OR4F6: variants seen among roughly 807,000 people sequenced by gnomAD.
OR4F6 encodes olfactory receptor family 4 subfamily F member 6.
A neutral mutation model predicts 15.9 loss-of-function variants in OR4F6; 13 were observed. The ratio of observed to expected loss-of-function variants is 0.82; its 90% confidence interval spans 0.53 to 1.30. The LOEUF (loss-of-function observed/expected upper bound fraction) is 1.30, where lower values mean the gene tolerates loss of function less well. Ranked by LOEUF, OR4F6 falls within the 50% of genes most tolerant of loss-of-function variation. The pLI is 0.00. For missense variants in OR4F6, 426 were observed against 367.2 expected, an observed-to-expected ratio of 1.16 and a Z score of -1.31; for synonymous variants, 150 against 133.8, an observed-to-expected ratio of 1.12 and a Z score of -0.83.
intron 1 of OR4F6, among the ~76,000 whole-genome samples, chr15:101,803,992 A>G (rs1252631203): frequency 1.3e-5 from 2 of 152,254 alleles, no homozygotes; most frequent in East Asian, 3.8e-4. Flanking sequence ...ACCAAAAGTC[A>G]AACATATTCT....
chr15:101,805,178 T>C (rs1456116898), intron 1 of OR4F6, among the ~76,000 whole-genome samples: 1 of 152,204 alleles, frequency 6.6e-6, no homozygotes, highest in East Asian at 1.9e-4. Flanking sequence ...TTCAATAGTG[T>C]TCTTTGTTAG....
In OR4F6 at chr15:101,806,342, T is replaced by C; in HGVS notation, c.623T>C (p.Leu208Pro). ...ACTGCCAATAGTGGATTTATTTCTC[T>C]GGCTTCTTTTTTAATTCTCATAATC... ...MVTANSGFIS[L>P]ASFLILIISY... Residue 208 changes from leucine (L) to proline (P), a missense_variant, in exon 2 of 2, where the codon CTG becomes CCG. Coordinates refer to ENST00000328882, the MANE Select transcript of OR4F6 (RefSeq NM_001005326.2). 1 of 1,614,124 alleles carries C rather than the reference T, an allele frequency of 6.2e-7. No individual in the cohort carries two copies. The highest frequency in any genetic ancestry group is 8.5e-7 in the Non-Finnish European group (1 of 1,179,952).
Position 101,805,993 on chromosome 15 carries a change from A to G in OR4F6, c.274A>G (p.Ile92Val), listed in dbSNP as rs370594445. 18 of 1,614,004 alleles carry G rather than the reference A, an allele frequency of 1.1e-5. No individual in the cohort carries two copies. The highest frequency in any genetic ancestry group is 1.4e-5 in the Non-Finnish European group (17 of 1,180,022). Reference sequence around the variant, plus strand: ...TGACCTTTTCAGGAAGCACAAGACCATCTCTTTTGGGGGCTGTGTAGTTCA... The same window carrying G: ...TGACCTTTTCAGGAAGCACAAGACCGTCTCTTTTGGGGGCTGTGTAGTTCA... ...IYDLFRKHKT[I>V]SFGGCVVQIF... The change falls in exon 2 of 2, where the codon ATC (isoleucine) becomes GTC (valine). Residue 92 changes from isoleucine (I) to valine (V), a missense_variant. By Grantham distance (29) the Ile-to-Val change is conservative. Transcript: ENST00000328882.
At position 101,805,932 on chromosome 15, in the gene OR4F6, G is replaced by T. The variant is rs772381181; in HGVS notation, c.213G>T (p.Leu71Phe). 1.2e-6 allele frequency: 2 copies of T among 1,614,008 alleles called. No homozygotes were observed. The highest frequency in any genetic ancestry group is 1.7e-5 in the Admixed American group (1 of 60,006). The change falls in exon 2 of 2, where the codon TTG (leucine) becomes TTT (phenylalanine). Residue 71 changes from leucine (L) to phenylalanine (F), a missense_variant. Coordinates refer to ENST00000328882, the MANE Select transcript of OR4F6 (RefSeq NM_001005326.2). ...FLLANLSIINLVFCSSTAPKM... is the reference protein window; with the variant it reads ...FLLANLSIINFVFCSSTAPKM... Reference sequence around the variant, plus strand: ...TGGCCAACCTTTCCATCATCAATTTGGTATTTTGTTCCTCCACAGCTCCCA... The same window carrying T: ...TGGCCAACCTTTCCATCATCAATTTTGTATTTTGTTCCTCCACAGCTCCCA...
At position 101,806,405 on chromosome 15, in the gene OR4F6, C is replaced by G. The variant is rs768131037; in HGVS notation, c.686C>G (p.Ser229Cys). ...ATTTTGGTGACTGTTCAGAAAAAAT[C>G]TTCAGGTGGTATATTCAAGGCTTTC... ...IFILVTVQKK[S>C]SGGIFKAFSM... Residue 229 changes from serine to cysteine, a missense_variant, in exon 2 of 2, where the codon TCT (serine) becomes TGT (cysteine). Physicochemically the swap from Ser to Cys is moderately radical, Grantham distance 112 (BLOSUM62 -1). Coordinates refer to ENST00000328882, the MANE Select transcript of OR4F6 (RefSeq NM_001005326.2). 7 of 1,613,512 alleles carry G rather than the reference C, an allele frequency of 4.3e-6. No individual in the cohort carries two copies. The African/African-American group carries it at 9.4e-5, about 22-fold the overall frequency.
chr15:101,805,742 T>C lies in OR4F6; in HGVS notation c.23T>C (p.Val8Ala). 1 of 1,613,508 alleles carries C rather than the reference T, an allele frequency of 6.2e-7. No individual in the cohort carries two copies. The highest frequency in any genetic ancestry group is 1.3e-5 in the African/African-American group (1 of 75,020). Reference sequence around the variant, plus strand: ...GCAATGGATGAAGCCAATCACTCTGTGGTCTCTGAGTTTGTGTTCCTGGGA... The same window carrying C: ...GCAATGGATGAAGCCAATCACTCTGCGGTCTCTGAGTTTGTGTTCCTGGGA... MDEANHS[V>A]VSEFVFLGLS... The change falls in exon 2 of 2, where the codon GTG (valine) becomes GCG (alanine). Residue 8 changes from valine to alanine, a missense_variant. Transcript: ENST00000328882.
chr15:101,806,784 T>A lies in OR4F6; in HGVS notation c.*126T>A, dbSNP rs1383950896. Reference sequence around the variant, plus strand: ...AGTATGTATTGTGTTGTCTTTTTTTTCTTCCCAAATTGAATTGTGGTATCA... The same window carrying A: ...AGTATGTATTGTGTTGTCTTTTTTTACTTCCCAAATTGAATTGTGGTATCA... On this transcript the variant is annotated 3_prime_UTR_variant, in exon 2 of 2. Coordinates refer to ENST00000328882, the MANE Select transcript of OR4F6 (RefSeq NM_001005326.2). The A allele has an allele frequency of 1.8e-6, 1 of 550,980 alleles. No homozygotes were observed. Among genetic ancestry groups the A allele is most frequent in the Non-Finnish European group, 3.1e-6 (1 of 326,554 alleles). 34.1% of individuals were successfully genotyped at this position (550,980 alleles called of 1,614,324 possible). A position where few individuals can be genotyped will look rare whatever the true frequency, so the allele number is the denominator to read the frequency against.
rs993044214 is a variant in OR4F6 at position 101,803,547 on chromosome 15, T to C, written c.-34+2T>C. ...TCCTCTATTTCAACACTGGTCCAGG[T>C]AGGTTAAATGGAAAGAAACTGTCTT... On this transcript the variant is annotated splice_donor_variant, in intron 1 of 1. Coordinates refer to ENST00000328882, the MANE Select transcript of OR4F6 (RefSeq NM_001005326.2). LOFTEE classifies it low-confidence loss of function (5UTR_SPLICE). The C allele has an allele frequency of 1.3e-5, 2 of 152,158 alleles. No homozygotes were observed. The highest frequency in any genetic ancestry group is 1.5e-5 in the Non-Finnish European group (1 of 68,036). 9.4% of individuals were successfully genotyped at this position (152,158 alleles called of 1,614,324 possible).
At chr15:101,803,782 C>T (rs544719091) in intron 1 of OR4F6, among the ~76,000 whole-genome samples, 1 of 152,264 alleles carries the variant, frequency 6.6e-6, no homozygotes, top group South Asian at 2.1e-4. Flanking sequence ...TTTGCACAGA[C>T]GTGTTGCGTG....
At position 101,805,780 on chromosome 15, in the gene OR4F6, C is replaced by A. The variant is rs769055061; in HGVS notation, c.61C>A (p.Arg21=). Residue 21 remains arginine, a synonymous_variant, in exon 2 of 2, where the codon CGG becomes AGG. Transcript: ENST00000328882. ...EFVFLGLSDS[R]KIQLLLFLFF... ...TGTGTTCCTGGGACTCTCTGACTCG[C>A]GGAAGATCCAGCTCCTCCTCTTCCT... 2 of 1,614,084 alleles carry A rather than the reference C, an allele frequency of 1.2e-6. No individual in the cohort carries two copies. Among genetic ancestry groups the A allele is most frequent in the Middle Eastern group, 1.7e-4 (1 of 6,060 alleles).
In OR4F6 at chr15:101,806,693, T is replaced by C. The variant is rs747109452; in HGVS notation, c.*35T>C. The C allele has an allele frequency of 8.1e-7, 1 of 1,231,218 alleles. No individual in the cohort carries two copies. Among genetic ancestry groups the C allele is most frequent in the Admixed American group, 2.7e-5 (1 of 36,992 alleles). The allele number at this position is 1,231,218 out of a possible 1,614,324, so 76.3% of individuals were successfully genotyped here. A position where few individuals can be genotyped will look rare whatever the true frequency, so the allele number is the denominator to read the frequency against. On this transcript the variant is annotated 3_prime_UTR_variant, in exon 2 of 2. Transcript: ENST00000328882. ...GAATATACAAAAAGGCAAATTATAC[T>C]AGAATTTCAGACAGATATGTGTTAA...
chr15:101,806,481 A>G lies in OR4F6; in HGVS notation c.762A>G (p.Leu254=). 1 of 1,613,788 alleles carries G rather than the reference A, an allele frequency of 6.2e-7. No homozygotes were observed. The highest frequency in any genetic ancestry group is 1.1e-5 in the South Asian group (1 of 90,932). ...VIVVVLVFGP[L]IFFYIFPFPT... is the part of the protein sequence containing the mutation. ...TGGTGGTTTTGGTCTTTGGGCCATTAATCTTTTTCTATATTTTTCCATTTC... is the reference window on the plus strand; with the variant it reads ...TGGTGGTTTTGGTCTTTGGGCCATTGATCTTTTTCTATATTTTTCCATTTC... Residue 254 remains leucine (L), a synonymous_variant, in exon 2 of 2, where the codon TTA becomes TTG. Transcript: ENST00000328882.
intron 1 of OR4F6, among the ~76,000 whole-genome samples, chr15:101,804,539 A>T (rs1902765947): frequency 6.6e-6 from 1 of 152,238 alleles, no homozygotes; most frequent in African/African-American, 2.4e-5. Flanking sequence ...CTGCAAAGGC[A>T]CACTGGGATT....
At position 101,806,254 on chromosome 15, in the gene OR4F6, T is replaced by G. The variant is rs748747166; in HGVS notation, c.535T>G (p.Cys179Gly). 1 of 1,613,968 alleles carries G rather than the reference T, an allele frequency of 6.2e-7. No homozygotes were observed. Among genetic ancestry groups the G allele is most frequent in the Non-Finnish European group, 8.5e-7 (1 of 1,179,980 alleles). Reference sequence around the variant, plus strand: ...CCCTAATGAATTAGATAGTTTCTTTTGTGATCTTCCTCGATTTATCAAACT... The same window carrying G: ...CCCTAATGAATTAGATAGTTTCTTTGGTGATCTTCCTCGATTTATCAAACT... ...CGPNELDSFF[C>G]DLPRFIKLAC... The change falls in exon 2 of 2, where the codon TGT (cysteine) becomes GGT (glycine). Residue 179 changes from cysteine (C) to glycine (G), a missense_variant. Physicochemically the swap from Cys to Gly is radical, Grantham distance 159. Transcript: ENST00000328882.
rs1902761584 is a variant in OR4F6, at chr15:101,804,258, A to G, written c.-34+713A>G. 4.6e-5 allele frequency among the ~76,000 whole-genome samples: 7 copies of G among 152,234 alleles called. 1 individual carries two copies. In the South Asian group the frequency reaches 1.5e-3, roughly 32 times the overall value. ...GTGGTGTCCTGAGCCCTTTCTACCC[A>G]TCTTTATCGGAGTGACTTCAAACAA... is the stretch of plus-strand genomic sequence containing the variant. On this transcript the variant is annotated intron_variant, in intron 1 of 1. Transcript: ENST00000328882.
At chr15:101,805,562 A>G in intron 1 of OR4F6, 125 bp from the exon 2 acceptor site, 1 of 604,508 alleles carries the variant, frequency 1.7e-6, no homozygotes, top group Non-Finnish European at 2.9e-6. Context: ...TGTGACTGAA[A>G]TTGTCTCTAA....
chr15:101,804,288 C>A (rs2141615358), intron 1 of OR4F6, among the ~76,000 whole-genome samples: 1 of 152,254 alleles, frequency 6.6e-6, no homozygotes, highest in Non-Finnish European at 1.5e-5. Context: ...AAACAATGAT[C>A]TACATTTAAA....
Position 101,806,674 on chromosome 15 carries a change from A to G in OR4F6, c.*16A>G, listed in dbSNP as rs1280583410. 1.4e-6 allele frequency: 2 copies of G among 1,410,862 alleles called. No individual in the cohort carries two copies. The highest frequency in any genetic ancestry group is 2.4e-5 in the East Asian group (1 of 41,290). 87.4% of individuals were successfully genotyped at this position (1,410,862 alleles called of 1,614,324 possible). A position where few individuals can be genotyped will look rare whatever the true frequency, so the allele number is the denominator to read the frequency against. On this transcript the variant is annotated 3_prime_UTR_variant, in exon 2 of 2. Coordinates refer to ENST00000328882, the MANE Select transcript of OR4F6 (RefSeq NM_001005326.2). ...AATCTTTTAAATATATTGAGAATAT[A>G]CAAAAAGGCAAATTATACTAGAATT...
chr15:101,804,649 C>T (rs62027043), intron 1 of OR4F6, among the ~76,000 whole-genome samples: 30,658 of 152,042 alleles, frequency 0.2, 3,332 homozygotes, highest in African/African-American at 0.22. Context: ...ATTTAAACAA[C>T]TATTCTGCCC....
Sources: gnomAD v4.1 joint callset for allele counts (sites outside exome capture counted in the v4.1 genomes callset) on GRCh38, gnomAD v4.1.1 for gene constraint, MANE v1.5 for transcripts, NCBI Gene and HGNC (gene_info 2026-07-23, HGNC 2026-07-21) for gene names.